The following SPHKAP variants were observed in gnomAD, a reference collection of about 807,000 sequenced individuals.
SPHKAP encodes A-kinase anchor protein SPHKAP.
SPHKAP carries 67 observed loss-of-function variants against 137.5 expected under a neutral mutation model. The ratio of observed to expected loss-of-function variants is 0.49; its 90% CI spans 0.40 to 0.60. The LOEUF (loss-of-function observed/expected upper bound fraction) is 0.60. Ranked by LOEUF, SPHKAP falls within the 20% of genes least tolerant of loss-of-function variation. SPHKAP has a pLI of 0.00. For synonymous variants in SPHKAP, 813 were observed against 785.3 expected (o/e 1.04, Z -0.59); for missense variants, 2,097 against 2,069.3 (o/e 1.01, Z -0.26).
intron 4 of SPHKAP, among the ~76,000 whole-genome samples, chr2:228,026,866 G>A (rs1427948774): frequency 6.6e-6 from 1 of 152,158 alleles, no homozygotes; most frequent in Non-Finnish European, 1.5e-5. Context: ...GGCAAATCGT[G>A]TGCTGTTATA....
chr2:228,019,006 G>A lies in SPHKAP; in HGVS notation c.1848C>T (p.Ala616=), dbSNP rs768919515. The A allele has an allele frequency of 4.4e-5, 71 of 1,613,712 alleles. No individual in the cohort carries two copies. Among genetic ancestry groups the A allele is most frequent in the Non-Finnish European group, 5.7e-5 (67 of 1,179,882 alleles). Residue 616 remains alanine (A), a synonymous_variant, in exon 7 of 12, where the codon GCC becomes GCT. Coordinates refer to ENST00000392056, the MANE Select transcript of SPHKAP (RefSeq NM_001142644.2). ...ASMELGKEAI[A]KGLLKEAALV... ...GAGCAGCCTCCTTGAGCAATCCCTT[G>A]GCAATGGCTTCCTTGCCAAGCTCCA... is the stretch of plus-strand genomic sequence containing the variant.
chr2:228,095,880 G>T (rs1239522468), intron 3 of SPHKAP, among the ~76,000 whole-genome samples: 1 of 152,036 alleles, frequency 6.6e-6, no homozygotes, highest in African/African-American at 2.4e-5. Context: ...TTTTGAAGGA[G>T]CATGATATTA....
At chr2:228,127,100 G>A (rs1174678252) in intron 2 of SPHKAP, among the ~76,000 whole-genome samples, 2 of 152,180 alleles carry the variant, frequency 1.3e-5, no homozygotes, top group East Asian at 1.9e-4. Context: ...TCAATTATCC[G>A]TGTTACTCTC....
chr2:228,043,011 T>C (rs1175339026), intron 3 of SPHKAP, among the ~76,000 whole-genome samples: 1 of 152,138 alleles, frequency 6.6e-6, no homozygotes, highest in African/African-American at 2.4e-5. Context: ...TCCAACTACA[T>C]ACATGAAATT....
rs371642332 is a variant in SPHKAP at position 228,154,481 on chromosome 2, A to ACTCTCTCTCT, written c.33-22406_33-22397dup. Among the ~76,000 whole-genome samples the ACTCTCTCTCT allele has an allele frequency of 2.3e-3, 110 of 47,196 alleles. 3 individuals carry two copies. The highest frequency in any genetic ancestry group is 4.0e-3 in the African/African-American group (45 of 11,218). 31.0% of individuals were successfully genotyped at this position (47,196 alleles called of 152,430 possible). ...CTATTTTTGTACAATTTGTAAATAA[A>ACTCTCTCTCT]CTCTCTCTCTCTCTCTCTCTCTCTC... On this transcript the variant is annotated intron_variant, in intron 1 of 11. Coordinates refer to ENST00000392056, the MANE Select transcript of SPHKAP (RefSeq NM_001142644.2).
intron 3 of SPHKAP, among the ~76,000 whole-genome samples, chr2:228,034,623 A>T (rs1249557519): frequency 6.6e-6 from 1 of 152,192 alleles, no homozygotes; most frequent in Admixed American, 6.5e-5. Flanking sequence ...TTGATGCAAA[A>T]ATCCTCAATA....
intron 3 of SPHKAP, among the ~76,000 whole-genome samples, chr2:228,088,746 C>T (rs1697621823): frequency 6.6e-6 from 1 of 152,094 alleles, no homozygotes; most frequent in African/African-American, 2.4e-5. Context: ...AAGAGCATGG[C>T]ACCTCCCTCT....
intron 1 of SPHKAP, among the ~76,000 whole-genome samples, chr2:228,154,534 T>TA (rs1700046803): frequency 1.8e-3 from 17 of 9,360 alleles, no homozygotes; most frequent in Admixed American, 7.9e-3. Context: ...ATATATATAT[T>TA]TTTTTTTTTT....
In SPHKAP at chr2:228,051,307, C is replaced by T. The variant is rs573622367; in HGVS notation, c.247-23764G>A. 2.0e-5 allele frequency among the ~76,000 whole-genome samples: 3 copies of T among 152,244 alleles called. No homozygotes were observed. In the East Asian group the frequency reaches 5.8e-4, roughly 29 times the overall value. ...GCAGCAGATTGACTTATTGTTCATTCAATATTCATTCTTTTCTATATCCAT... is the reference window on the plus strand; with the variant it reads ...GCAGCAGATTGACTTATTGTTCATTTAATATTCATTCTTTTCTATATCCAT... On this transcript the variant is annotated intron_variant, in intron 3 of 11. Transcript: ENST00000392056.
intron 1 of SPHKAP, among the ~76,000 whole-genome samples, chr2:228,174,216 C>G (rs530887860): frequency 6.6e-6 from 1 of 151,882 alleles, no homozygotes; most frequent in East Asian, 1.9e-4. Flanking sequence ...ATTCAGAGAC[C>G]GTATTTTGAG....
chr2:228,037,121 G>T (rs963791785), intron 3 of SPHKAP, among the ~76,000 whole-genome samples: 9 of 152,052 alleles, frequency 5.9e-5, no homozygotes, highest in African/African-American at 2.2e-4. Flanking sequence ...TATATGAGTT[G>T]TTATAGGCAT....
At chr2:228,032,282 T>G (rs13020955) in intron 3 of SPHKAP, among the ~76,000 whole-genome samples, 58,153 of 151,760 alleles carry the variant, frequency 0.38, 11,577 homozygotes, top group South Asian at 0.51. Flanking sequence ...AAGGGTATCA[T>G]TGATGGAAGA....
At chr2:227,989,701 G>A (rs534028943) in intron 11 of SPHKAP, among the ~76,000 whole-genome samples, 1 of 151,936 alleles carries the variant, frequency 6.6e-6, no homozygotes, top group African/African-American at 2.4e-5. Context: ...CACTTCCTGG[G>A]TTCAAGCGAT....
chr2:228,006,433 C>A lies in SPHKAP; in HGVS notation c.4448+9973G>T, dbSNP rs144384258. 4.0e-3 allele frequency among the ~76,000 whole-genome samples: 602 copies of A among 152,170 alleles called. 4 individuals are homozygous for A. Among genetic ancestry groups the A allele is most frequent in the African/African-American group, 0.014 (563 of 41,518 alleles). Reference sequence around the variant, plus strand: ...TTTCTGCATTGGTTTTTCTAGTTAGCCTTTTGTCTAATCTTTTTTCAAGGT... The same window carrying A: ...TTTCTGCATTGGTTTTTCTAGTTAGACTTTTGTCTAATCTTTTTTCAAGGT... On this transcript the variant is annotated intron_variant, in intron 7 of 11. Transcript: ENST00000392056.
chr2:228,113,037 A>G (rs1333994356), intron 2 of SPHKAP, among the ~76,000 whole-genome samples: 3 of 152,038 alleles, frequency 2.0e-5, no homozygotes, highest in Non-Finnish European at 2.9e-5. Flanking sequence ...TAAAACCTAA[A>G]TCTTGCCGTG....
At chr2:228,051,102 G>A (rs536792099) in intron 3 of SPHKAP, among the ~76,000 whole-genome samples, 1 of 152,134 alleles carries the variant, frequency 6.6e-6, no homozygotes, top group Non-Finnish European at 1.5e-5. Context: ...ACTGCACCTG[G>A]CCACCCACTC....
intron 2 of SPHKAP, among the ~76,000 whole-genome samples, chr2:228,129,484 G>A (rs1336016240): frequency 6.6e-6 from 1 of 152,026 alleles, no homozygotes; most frequent in African/African-American, 2.4e-5. Context: ...GGTCATTTAT[G>A]ATCTATCTTT....
intron 1 of SPHKAP, among the ~76,000 whole-genome samples, chr2:228,153,556 T>C (rs1170498380): frequency 2.6e-5 from 4 of 152,226 alleles, no homozygotes; most frequent in African/African-American, 7.2e-5. Flanking sequence ...TGGAATTCCA[T>C]TGTTGCTTTT....
At chr2:228,051,738 C>A (rs1452725235) in intron 3 of SPHKAP, among the ~76,000 whole-genome samples, 1 of 152,206 alleles carries the variant, frequency 6.6e-6, no homozygotes, top group Non-Finnish European at 1.5e-5. Context: ...TTAAATAAAA[C>A]AAATATATTT....
Sources: gnomAD v4.1 joint callset for allele counts (sites outside exome capture counted in the v4.1 genomes callset) on GRCh38, gnomAD v4.1.1 for gene constraint, MANE v1.5 for transcripts, NCBI Gene and HGNC (gene_info 2026-07-23, HGNC 2026-07-21) for gene names.